STX8: variants seen among roughly 807,000 people sequenced by gnomAD.
STX8 encodes the protein syntaxin-8.
A neutral mutation model predicts 37.5 loss-of-function variants in STX8; 23 were observed. That is an observed-to-expected ratio of 0.61 (90% CI 0.44 to 0.87). STX8 has a LOEUF of 0.87. STX8 is among the 40% of genes least tolerant of loss of function. STX8 has a pLI of 0.00. For missense variants in STX8, 313 were observed against 284.7 expected (o/e 1.10, Z -0.71); for synonymous variants, 115 against 99.1 (o/e 1.16, Z -0.95).
At chr17:9,304,526 A>G (rs1013283247) in intron 7 of STX8, among the ~76,000 whole-genome samples, 9 of 148,786 alleles carry the variant, frequency 6.0e-5, no homozygotes, top group South Asian at 2.1e-4. Context: ...AAAAAAAAAA[A>G]AAAGAAAAAA....
chr17:9,571,445 C>T (rs1157041657), intron 1 of STX8, among the ~76,000 whole-genome samples: 49 of 150,562 alleles, frequency 3.3e-4, no homozygotes, highest in Non-Finnish European at 2.9e-5. Flanking sequence ...CACTATCAAG[C>T]ACACAGGTGC....
intron 6 of STX8, among the ~76,000 whole-genome samples, chr17:9,410,930 T>C (rs1025605384): frequency 2.0e-5 from 3 of 152,190 alleles, no homozygotes; most frequent in Admixed American, 6.5e-5. Context: ...ATTTACTCAA[T>C]GGGCAATCAA....
chr17:9,332,590 A>C (rs138129659), intron 7 of STX8, among the ~76,000 whole-genome samples: 21 of 152,332 alleles, frequency 1.4e-4, no homozygotes, highest in African/African-American at 5.1e-4. Context: ...CATCTGTCAT[A>C]AATGCTTAAA....
intron 5 of STX8, among the ~76,000 whole-genome samples, chr17:9,503,859 G>C (rs1464332299): frequency 6.6e-6 from 1 of 152,156 alleles, no homozygotes. Context: ...CTGCCTCCTG[G>C]GTTCAAGCGA....
chr17:9,503,105 C>CAAAAAAAAA (rs61437085), intron 5 of STX8, among the ~76,000 whole-genome samples: 8 of 58,578 alleles, frequency 1.4e-4, no homozygotes, highest in African/African-American at 5.3e-4. Flanking sequence ...GACTCTGTCT[C>CAAAAAAAAA]AAAAAAAAAA....
intron 6 of STX8, among the ~76,000 whole-genome samples, chr17:9,419,927 T>C (rs111750224): frequency 0.042 from 6,470 of 152,298 alleles, 173 homozygotes; most frequent in Middle Eastern, 0.12. Context: ...TTTTCAGTAA[T>C]TGTGTAAAAG....
At chr17:9,487,791 A>T (rs1426633643) in intron 6 of STX8, among the ~76,000 whole-genome samples, 2 of 152,212 alleles carry the variant, frequency 1.3e-5, no homozygotes, top group African/African-American at 4.8e-5. Context: ...TCTGACTGTG[A>T]CTGTGATGCT....
At chr17:9,526,696 C>A (rs1905584582) in intron 4 of STX8, among the ~76,000 whole-genome samples, 1 of 152,000 alleles carries the variant, frequency 6.6e-6, no homozygotes, top group South Asian at 2.1e-4. Context: ...ATGGTGAAAC[C>A]CTGTCTCTAC....
chr17:9,299,961 C>T (rs1040762058), intron 7 of STX8, among the ~76,000 whole-genome samples: 1 of 152,174 alleles, frequency 6.6e-6, no homozygotes, highest in African/African-American at 2.4e-5. Context: ...GATCTTGGAA[C>T]CTAGGCAGGG....
At chr17:9,495,119 T>A (rs2142483290) in intron 5 of STX8, among the ~76,000 whole-genome samples, 1 of 152,352 alleles carries the variant, frequency 6.6e-6, no homozygotes, top group Non-Finnish European at 1.5e-5. Context: ...TTAATTCATC[T>A]GGAATTTATT....
At chr17:9,359,036 GCTTTTTTTTTT>G (rs957371040) in intron 7 of STX8, among the ~76,000 whole-genome samples, 9 of 151,690 alleles carry the variant, frequency 5.9e-5, no homozygotes, top group Non-Finnish European at 1.2e-4. Flanking sequence ...TGGAACTAAG[GCTTTTTTTTTT>G]CTTTTTTTTT....
At chr17:9,454,434 T>C (rs908450941) in intron 6 of STX8, among the ~76,000 whole-genome samples, 2 of 152,104 alleles carry the variant, frequency 1.3e-5, no homozygotes, top group Non-Finnish European at 2.9e-5. Flanking sequence ...ATCCCAGCAC[T>C]CTGGGAGGCC....
chr17:9,459,713 C>T (rs1268747583), intron 6 of STX8, among the ~76,000 whole-genome samples: 36 of 152,132 alleles, frequency 2.4e-4, no homozygotes, highest in Non-Finnish European at 1.5e-5. Context: ...GATGGGGTTT[C>T]ACCATATCAG....
intron 7 of STX8, among the ~76,000 whole-genome samples, chr17:9,268,954 G>A (rs967791163): frequency 6.6e-5 from 10 of 152,222 alleles, no homozygotes; most frequent in East Asian, 1.9e-4. Context: ...TTGGGAGGCT[G>A]AGGCGGGCGG....
chr17:9,286,421 AC>A (rs1797779617), intron 7 of STX8, among the ~76,000 whole-genome samples: 1 of 152,250 alleles, frequency 6.6e-6, no homozygotes, highest in African/African-American at 2.4e-5. Context: ...TGTCTTGAAC[AC>A]TGCCAGAGCT....
At chr17:9,292,052 G>A (rs548669950) in intron 7 of STX8, among the ~76,000 whole-genome samples, 18 of 152,334 alleles carry the variant, frequency 1.2e-4, no homozygotes, top group African/African-American at 4.3e-4. Flanking sequence ...GTTGGATGGG[G>A]TGCTGCCAGC....
intron 6 of STX8, among the ~76,000 whole-genome samples, chr17:9,414,722 C>T (rs1913117261): frequency 1.3e-5 from 2 of 151,700 alleles, no homozygotes; most frequent in South Asian, 2.1e-4. Flanking sequence ...TTCTTTCTCA[C>T]CCAGTCACAA....
chr17:9,383,888 G>C (rs1388731656), intron 6 of STX8, among the ~76,000 whole-genome samples: 1 of 152,048 alleles, frequency 6.6e-6, no homozygotes, highest in South Asian at 2.1e-4. Context: ...TACATACTCA[G>C]AAATAAATCT....
chr17:9,278,611 G>A (rs900132136), intron 7 of STX8, among the ~76,000 whole-genome samples: 4 of 152,314 alleles, frequency 2.6e-5, no homozygotes, highest in East Asian at 1.9e-4. Flanking sequence ...GGGGTAGGTG[G>A]CGTTCTGGAT....
Sources: allele counts gnomAD v4.1 joint callset (sites outside exome capture counted in the v4.1 genomes callset), GRCh38; gene constraint gnomAD v4.1.1; transcripts MANE v1.5; gene names NCBI Gene and HGNC (gene_info 2026-07-23, HGNC 2026-07-21).